Variants in RGPD3 observed in about 807,000 individuals in gnomAD.
RGPD3 encodes the protein ranBP2-like and GRIP domain-containing protein 3.
RGPD3 carries 62 observed loss-of-function variants against 154.5 expected under a neutral mutation model. The ratio of observed to expected loss-of-function variants is 0.40; its 90% CI spans 0.33 to 0.50. RGPD3 has a LOEUF of 0.50. RGPD3 is among the 20% of genes least tolerant of loss of function. The probability of loss-of-function intolerance (pLI) is 0.59; values close to 1 mark genes in which losing one functional copy is unlikely to be tolerated. For missense variants in RGPD3, 919 were observed against 1,716.8 expected, an observed-to-expected ratio of 0.54 and a Z score of 8.21; for synonymous variants, 308 against 607.0, an observed-to-expected ratio of 0.51 and a Z score of 7.24.
chr2:106,451,054 A>G (rs1181891032), intron 6 of RGPD3, among the ~76,000 whole-genome samples: 3 of 143,798 alleles, frequency 2.1e-5, no homozygotes, highest in Non-Finnish European at 3.0e-5. Context: ...GTGCCACTGC[A>G]CTCCAGCCTG....
intron 6 of RGPD3, among the ~76,000 whole-genome samples, chr2:106,449,744 G>A (rs1207605298): frequency 2.0e-4 from 31 of 152,030 alleles, no homozygotes; most frequent in Admixed American, 1.0e-3. Flanking sequence ...CCAGCCGGGC[G>A]CGGTGGCTCA....
chr2:106,437,884 C>T (rs1355908750), intron 9 of RGPD3, among the ~76,000 whole-genome samples: 4 of 152,110 alleles, frequency 2.6e-5, no homozygotes, highest in Non-Finnish European at 5.9e-5. Flanking sequence ...CATACATAAC[C>T]ATTTAGATGA....
rs757907782 is a variant in RGPD3, at chr2:106,405,190, G to T, written c.*29C>A. The T allele has an allele frequency of 6.2e-7, 1 of 1,608,864 alleles. No individual in the cohort carries two copies. The highest frequency in any genetic ancestry group is 1.3e-5 in the African/African-American group (1 of 74,386). ...AAGTCCAAACCAACTACGAAGATAG[G>T]ATGCCCATCCAGAAGAACGGGAAGC... On this transcript the variant is annotated 3_prime_UTR_variant, in exon 23 of 23. Transcript: ENST00000409886.
intron 20 of RGPD3, among the ~76,000 whole-genome samples, chr2:106,420,242 A>G (rs1676938085): frequency 7.0e-6 from 1 of 143,296 alleles, no homozygotes; most frequent in Non-Finnish European, 1.5e-5. Context: ...AAATTAAATA[A>G]AAACTGTTAC....
chr2:106,425,426 G>A (rs1573256361), intron 19 of RGPD3, among the ~76,000 whole-genome samples, 160 bp from the exon 20 acceptor site: 2 of 150,012 alleles, frequency 1.3e-5, no homozygotes, highest in East Asian at 3.9e-4. Context: ...TGTGCCAGCT[G>A]GGCACTGTTC....
At chr2:106,466,064 G>T (rs928263862) in intron 1 of RGPD3, among the ~76,000 whole-genome samples, 32 of 151,830 alleles carry the variant, frequency 2.1e-4, no homozygotes, top group African/African-American at 7.0e-4. Flanking sequence ...CGCCGATACA[G>T]CACCCGGGTG....
intron 20 of RGPD3, among the ~76,000 whole-genome samples, chr2:106,418,092 C>A (rs1413231171): frequency 6.9e-6 from 1 of 144,284 alleles, no homozygotes; most frequent in Non-Finnish European, 1.5e-5. Flanking sequence ...CACGCCACTG[C>A]ACTTCAGCCT....
intron 9 of RGPD3, among the ~76,000 whole-genome samples, chr2:106,438,737 G>A (rs1395520177): frequency 3.3e-5 from 5 of 149,726 alleles, no homozygotes; most frequent in South Asian, 2.1e-4. Flanking sequence ...AGCCGAGATC[G>A]CACCACTGCA....
intron 6 of RGPD3, among the ~76,000 whole-genome samples, chr2:106,450,783 G>T (rs1218057710): frequency 8.3e-6 from 1 of 119,842 alleles, no homozygotes; most frequent in South Asian, 3.4e-4. Context: ...TATTCAGGAG[G>T]CAGAGACAAG....
chr2:106,469,993 G>C (rs1429151095), upstream of RGPD3, among the ~76,000 whole-genome samples: 4 of 152,144 alleles, frequency 2.6e-5, no homozygotes, highest in South Asian at 4.1e-4. Flanking sequence ...TGGTAAGAGT[G>C]TAAATCCCAG....
In RGPD3 at chr2:106,424,969, C is replaced by T. The variant is rs761410074; in HGVS notation, c.2998G>A (p.Gly1000Arg). 9.3e-5 allele frequency: 150 copies of T among 1,611,700 alleles called. No individual in the cohort carries two copies. The highest frequency in any genetic ancestry group is 1.2e-4 in the Non-Finnish European group (145 of 1,179,806). ...DLNFKGFSGA[G>R]EKLFSSQYGK... Reference sequence around the variant, plus strand: ...TATTGTGATGAGAATAATTTTTCTCCAGCACCTGAAAATCCCTTGAAATTG... The same window carrying T: ...TATTGTGATGAGAATAATTTTTCTCTAGCACCTGAAAATCCCTTGAAATTG... Residue 1000 changes from glycine to arginine, a missense_variant, in exon 20 of 23, where the codon GGA becomes AGA. Physicochemically the swap from Gly to Arg is moderately radical, Grantham distance 125. Transcript: ENST00000409886.
intron 18 of RGPD3, 120 bp from the exon 19 acceptor site, chr2:106,426,208 A>C (rs1005042871): frequency 6.1e-6 from 5 of 815,716 alleles, no homozygotes; most frequent in Non-Finnish European, 9.2e-6. Context: ...TAACTACATA[A>C]ATTTTAAATT....
In RGPD3 at chr2:106,459,984, GA is replaced by G. The variant is rs1185206734; in HGVS notation, c.73-653del. On this transcript the variant is annotated intron_variant, in intron 1 of 22. Coordinates refer to ENST00000409886, the MANE Select transcript of RGPD3 (RefSeq NM_001144013.2). The stretch of plus-strand genomic sequence containing the variant: ...CACAACAAGATCCTGTCTCCAGGGG[GA>G]AAAAAATAGCCAGGCATAGTGGAGC... Among the ~76,000 whole-genome samples the G allele has an allele frequency of 1.8e-4, 4 of 22,730 alleles. No homozygotes were observed. In the South Asian group the frequency reaches 4.5e-3, roughly 26 times the overall value. The allele number at this position is 22,730 out of a possible 152,430, so 14.9% of individuals were successfully genotyped here.
chr2:106,460,505 G>A (rs1185877018), intron 1 of RGPD3, among the ~76,000 whole-genome samples: 1 of 79,958 alleles, frequency 1.3e-5, no homozygotes, highest in Non-Finnish European at 2.4e-5. Flanking sequence ...TAATAAACAA[G>A]GTCCACAGCC....
chr2:106,466,969 G>C (rs74180274), intron 1 of RGPD3, among the ~76,000 whole-genome samples: 46,563 of 81,300 alleles, frequency 0.57, 15,962 homozygotes, highest in East Asian at 0.86. Context: ...CATCGAGGCC[G>C]CCGCAGGGCC....
At chr2:106,450,881 C>CA (rs56400357) in intron 6 of RGPD3, among the ~76,000 whole-genome samples, 7,293 of 36,944 alleles carry the variant, frequency 0.2, 1,112 homozygotes, top group Non-Finnish European at 0.26. Flanking sequence ...GACTCAGTCT[C>CA]AAAAAAAAAA....
chr2:106,443,781 C>T (rs1294053896), intron 7 of RGPD3, among the ~76,000 whole-genome samples: 1 of 121,530 alleles, frequency 8.2e-6, no homozygotes, highest in Non-Finnish European at 1.7e-5. Context: ...CTGCAACCTC[C>T]GCCTCCTGGT....
In RGPD3 at chr2:106,441,332, G is replaced by C. The variant is rs916861197; in HGVS notation, c.1027C>G (p.Leu343Val). 6.4e-6 allele frequency: 10 copies of C among 1,569,014 alleles called. No individual in the cohort carries two copies. The African/African-American group carries it at 7.0e-5, about 11-fold the overall frequency. The change falls in exon 8 of 23, where the codon CTG becomes GTG. Residue 343 changes from leucine to valine, a missense_variant. Transcript: ENST00000409886. ...KLIKGEAGQN[L>V]LEMMACDRLS... is the part of the protein sequence containing the mutation. Reference sequence around the variant, plus strand: ...CGGTCACAGGCCATCATTTCCAGCAGATTTTGTCCAGCTTCACCTTTTATT... The same window carrying C: ...CGGTCACAGGCCATCATTTCCAGCACATTTTGTCCAGCTTCACCTTTTATT...
At chr2:106,467,071 C>G (rs1317602524) in intron 1 of RGPD3, among the ~76,000 whole-genome samples, 4 of 119,736 alleles carry the variant, frequency 3.3e-5, no homozygotes, top group African/African-American at 8.3e-5. Flanking sequence ...GGAGCCATGA[C>G]GCCTGAGCCA....
Sources: gnomAD v4.1 joint callset for allele counts (sites outside exome capture counted in the v4.1 genomes callset) on GRCh38, gnomAD v4.1.1 for gene constraint, MANE v1.5 for transcripts, NCBI Gene and HGNC (gene_info 2026-07-23, HGNC 2026-07-21) for gene names.